DENND1A: variants seen among roughly 807,000 people sequenced by gnomAD.
The protein encoded by DENND1A is DENN domain-containing protein 1A.
A neutral mutation model predicts 113.7 loss-of-function variants in DENND1A; 51 were observed. The observed-to-expected ratio is 0.45, with a 90% CI of 0.36 to 0.57. The LOEUF (loss-of-function observed/expected upper bound fraction) is 0.57, where lower values mean the gene tolerates loss of function less well. Among genes scored for constraint, DENND1A ranks in the 20% least tolerant of loss-of-function variants. The pLI is 0.00. For missense variants in DENND1A, 1,258 were observed against 1,395.9 expected (o/e 0.90, Z 1.57); for synonymous variants, 565 against 570.8 (o/e 0.99, Z 0.14).
intron 19 of DENND1A, among the ~76,000 whole-genome samples, chr9:123,423,877 C>T (rs2045510404): frequency 1.3e-5 from 2 of 152,146 alleles, no homozygotes; most frequent in African/African-American, 4.8e-5. Context: ...GTTCTCCATC[C>T]ATCACAGGTA....
intron 5 of DENND1A, among the ~76,000 whole-genome samples, chr9:123,728,479 CAAAAAAAAAAAAAA>C (rs60761810): frequency 0.027 from 673 of 25,250 alleles, 28 homozygotes; most frequent in South Asian, 0.12. Context: ...CTCTGTCTCC[CAAAAAAAAAAAAAA>C]AAAAAAAAAA....
chr9:123,416,488 G>A (rs564481306), intron 19 of DENND1A, among the ~76,000 whole-genome samples: 1 of 152,384 alleles, frequency 6.6e-6, no homozygotes, highest in East Asian at 1.9e-4. Context: ...GAGAATCGAA[G>A]CAGTCTGGGC....
At chr9:123,526,475 T>C (rs1032571994) in intron 13 of DENND1A, among the ~76,000 whole-genome samples, 2 of 152,182 alleles carry the variant, frequency 1.3e-5, no homozygotes, top group African/African-American at 2.4e-5. Context: ...GGAACTCCCA[T>C]GTCTTCCCTC....
chr9:123,387,837 G>T lies in DENND1A; in HGVS notation c.1653C>A (p.His551Gln). 1 of 1,290,082 alleles carries T rather than the reference G, an allele frequency of 7.8e-7. No individual in the cohort carries two copies. Among genetic ancestry groups the T allele is most frequent in the Non-Finnish European group, 1.0e-6 (1 of 988,928 alleles). The allele number at this position is 1,290,082 out of a possible 1,614,324, so 79.9% of individuals were successfully genotyped here. A position where few individuals can be genotyped will look rare whatever the true frequency, so the allele number is the denominator to read the frequency against. ...SPEHLVKPLR[H>Q]YAVFLSEDSS... is the part of the protein sequence containing the mutation. ...AGTCTTCGGAGAGGAAGACCGCATA[G>T]TGTCGCAAGGGCTTTACCAGGCTGG... The change falls in exon 22 of 24, where the codon CAC becomes CAA. Residue 551 changes from histidine (H) to glutamine (Q), a missense_variant. Physicochemically the swap from His to Gln is conservative, Grantham distance 24 (BLOSUM62 0). This residue lies in a region of DENND1A where 1,159 missense variants were observed against 1,231.7 expected (regional missense o/e 0.94). Coordinates refer to ENST00000394215, the MANE Select transcript of DENND1A (RefSeq NM_001352964.2).
chr9:123,697,899 C>T (rs1192932599), intron 5 of DENND1A, among the ~76,000 whole-genome samples: 1 of 152,184 alleles, frequency 6.6e-6, no homozygotes, highest in Non-Finnish European at 1.5e-5. Flanking sequence ...AATATAAACA[C>T]AACCTTTAGG....
chr9:123,410,497 G>C lies in DENND1A; in HGVS notation c.1542+1279C>G, dbSNP rs527888345. On this transcript the variant is annotated intron_variant, in intron 20 of 23. Coordinates refer to ENST00000394215, the MANE Select transcript of DENND1A (RefSeq NM_001352964.2). The stretch of plus-strand genomic sequence containing the variant: ...ATGGATCCACGGTCACGTGTGGCTG[G>C]GAGTGTGGACTCGCGACGGTCACAG... Among the ~76,000 whole-genome samples the C allele has an allele frequency of 1.7e-3, 259 of 152,310 alleles. 1 individual carries two copies. The highest frequency in any genetic ancestry group is 2.5e-3 in the Non-Finnish European group (170 of 68,024).
chr9:123,829,102 C>T (rs906104269), intron 2 of DENND1A, among the ~76,000 whole-genome samples: 1 of 152,150 alleles, frequency 6.6e-6, no homozygotes, highest in South Asian at 2.1e-4. Flanking sequence ...CAGCTACCTA[C>T]TTCTCCTCCT....
rs2047660228 is a variant in DENND1A at position 123,450,755 on chromosome 9, T to C, written c.1300-6A>G. ...ATTTTTGCATGATCTTTTGCCTGCATGAAAAATTAATTTAAGTTAAGATTC... is the reference window on the plus strand; with the variant it reads ...ATTTTTGCATGATCTTTTGCCTGCACGAAAAATTAATTTAAGTTAAGATTC... On this transcript the variant is annotated splice_polypyrimidine_tract_variant and splice_region_variant and intron_variant, in intron 17 of 23. Coordinates refer to ENST00000394215, the MANE Select transcript of DENND1A (RefSeq NM_001352964.2). The C allele has an allele frequency of 6.2e-7, 1 of 1,608,708 alleles. No homozygotes were observed. Among genetic ancestry groups the C allele is most frequent in the Non-Finnish European group, 8.5e-7 (1 of 1,178,220 alleles).
At chr9:123,750,397 G>A (rs2069910721) in intron 5 of DENND1A, among the ~76,000 whole-genome samples, 1 of 152,134 alleles carries the variant, frequency 6.6e-6, no homozygotes, top group Admixed American at 6.5e-5. Flanking sequence ...ACAAACTGAT[G>A]TTCTGAAGAG....
At chr9:123,424,036 T>C (rs747753740) in intron 19 of DENND1A, among the ~76,000 whole-genome samples, 5 of 150,804 alleles carry the variant, frequency 3.3e-5, no homozygotes, top group Non-Finnish European at 7.4e-5. Flanking sequence ...GGAGAGGGGG[T>C]GGAGTAAGTT....
At chr9:123,820,086 G>C (rs1838217768) in intron 2 of DENND1A, among the ~76,000 whole-genome samples, 2 of 152,106 alleles carry the variant, frequency 1.3e-5, no homozygotes, top group South Asian at 4.1e-4. Context: ...ATGATCTGGG[G>C]GTAAAAGTGA....
intron 2 of DENND1A, among the ~76,000 whole-genome samples, chr9:123,863,680 G>A (rs147941150): frequency 1.9e-3 from 283 of 151,742 alleles, no homozygotes; most frequent in African/African-American, 6.5e-3. Flanking sequence ...TGCTGCCTTC[G>A]CAAACTGTTG....
intron 9 of DENND1A, among the ~76,000 whole-genome samples, chr9:123,643,864 G>A (rs2062159115): frequency 6.6e-6 from 1 of 152,230 alleles, no homozygotes; most frequent in Non-Finnish European, 1.5e-5. Context: ...TGCCGAATCT[G>A]AAGTAAAAAG....
chr9:123,845,097 G>A (rs1276768506), intron 2 of DENND1A, among the ~76,000 whole-genome samples: 1 of 151,980 alleles, frequency 6.6e-6, no homozygotes, highest in Non-Finnish European at 1.5e-5. Flanking sequence ...GCACGCACCT[G>A]TAGTCCCAGC....
rs367751848 is a variant in DENND1A at position 123,395,468 on chromosome 9, C to CTCTGTGTGTGTGTGTGTG, written c.1632-7611_1632-7610insCACACACACACACACAGA. Among the ~76,000 whole-genome samples, 1,055 of 142,936 alleles carry CTCTGTGTGTGTGTGTGTG rather than the reference C, an allele frequency of 7.4e-3. 8 individuals are homozygous for CTCTGTGTGTGTGTGTGTG. The highest frequency in any genetic ancestry group is 0.014 in the Middle Eastern group (4 of 282). The allele number at this position is 142,936 out of a possible 152,430, so 93.8% of individuals were successfully genotyped here. ...AGGGCCCAGAATCTACTCTCTCTCT[C>CTCTGTGTGTGTGTGTGTG]TGTGTGTGTGTGTGTGTGTGTGTGT... On this transcript the variant is annotated intron_variant, in intron 21 of 23. Coordinates refer to ENST00000394215, the MANE Select transcript of DENND1A (RefSeq NM_001352964.2).
chr9:123,441,411 T>C (rs776920765), intron 18 of DENND1A, among the ~76,000 whole-genome samples: 7 of 152,200 alleles, frequency 4.6e-5, no homozygotes, highest in South Asian at 2.1e-4. Context: ...AATAAAAAGA[T>C]TGAAGTCTGA....
At chr9:123,620,146 G>A (rs146308684) in intron 10 of DENND1A, among the ~76,000 whole-genome samples, 2,374 of 140,282 alleles carry the variant, frequency 0.017, 69 homozygotes, top group African/African-American at 0.06. Flanking sequence ...CCCAGGAGGC[G>A]AAGGTTGCAG....
intron 13 of DENND1A, among the ~76,000 whole-genome samples, chr9:123,497,518 T>C (rs2052038744): frequency 6.6e-6 from 1 of 152,138 alleles, no homozygotes. Flanking sequence ...AGATGGGGTC[T>C]CACTATATTG....
At chr9:123,508,931 C>A (rs1178775655) in intron 13 of DENND1A, among the ~76,000 whole-genome samples, 1 of 152,160 alleles carries the variant, frequency 6.6e-6, no homozygotes, top group Non-Finnish European at 1.5e-5. Context: ...TGTGTGCACA[C>A]AGTTTATTTA....
Sources: allele counts gnomAD v4.1 joint callset (sites outside exome capture counted in the v4.1 genomes callset), GRCh38; gene constraint gnomAD v4.1.1; regional missense constraint gnomAD v4.1.1; transcripts MANE v1.5; gene names NCBI Gene and HGNC (gene_info 2026-07-23, HGNC 2026-07-21).